Variants in MAGEA10 observed in about 807,000 individuals in gnomAD.
The protein encoded by MAGEA10 is MAGE family member A10, also known as melanoma-associated antigen 10.
A neutral mutation model predicts 8.6 loss-of-function variants in MAGEA10; 7 were observed. That is an observed-to-expected ratio of 0.82 (90% CI 0.46 to 1.53). The LOEUF is 1.53. Ranked by LOEUF, MAGEA10 falls within the 40% of genes most tolerant of loss-of-function variation. MAGEA10 has a pLI of 0.01. For synonymous variants in MAGEA10, 125 were observed against 107.4 expected (o/e 1.16, Z -1.02); for missense variants, 293 against 274.0 (o/e 1.07, Z -0.49).
In MAGEA10 at chrX:152,135,054, A is replaced by G. The variant is rs1370185410; in HGVS notation, c.567T>C (p.Ile189=). 2.5e-6 allele frequency: 3 copies of G among 1,211,354 alleles called. No homozygotes were observed. The highest frequency in any genetic ancestry group is 2.2e-6 in the Non-Finnish European group (2 of 895,206). ...CAGTGGGATCCACTTCCTTTACATC[A>G]ATGCCAAAGACCAGCAGCATGCACT... ...ASECMLLVFG[I]DVKEVDPTGH... The change falls in exon 4 of 4, where the codon ATT becomes ATC. Residue 189 remains isoleucine, a synonymous_variant. Coordinates refer to ENST00000370323, the MANE Select transcript of MAGEA10 (RefSeq NM_021048.5).
chrX:152,134,584 G>C lies in MAGEA10; in HGVS notation c.1037C>G (p.Ala346Gly). ...CATGGCAGTAGTATCATCTGTGGTG[G>C]CAATTCTGTCCTGGGCTCTCTCTTC... is the stretch of plus-strand genomic sequence containing the variant. ...DEEERAQDRI[A>G]TTDDTTAMAS... is the part of the protein sequence containing the mutation. The change falls in exon 4 of 4, where the codon GCC (alanine) becomes GGC (glycine). Residue 346 changes from alanine to glycine, a missense_variant. Physicochemically the swap from Ala to Gly is moderately conservative, Grantham distance 60 (BLOSUM62 0). Coordinates refer to ENST00000370323, the MANE Select transcript of MAGEA10 (RefSeq NM_021048.5). The C allele has an allele frequency of 8.3e-7, 1 of 1,206,965 alleles. No individual in the cohort carries two copies. Among genetic ancestry groups the C allele is most frequent in the Non-Finnish European group, 1.1e-6 (1 of 891,549 alleles).
At position 152,134,974 on chromosome X, in the gene MAGEA10, C is replaced by T. The variant is rs142008219; in HGVS notation, c.647G>A (p.Ser216Asn). ...AGTCTTGGGCATGCTCTGGACATCA[C>T]TCAGCATCCCATCATAGGTGAGGCC... ...SLGLTYDGML[S>N]DVQSMPKTGI... Residue 216 changes from serine to asparagine, a missense_variant, in exon 4 of 4, where the codon AGT becomes AAT. Ser to Asn is a conservative substitution (Grantham distance 46, BLOSUM62 1). Coordinates refer to ENST00000370323, the MANE Select transcript of MAGEA10 (RefSeq NM_021048.5). The T allele has an allele frequency of 6.4e-5, 78 of 1,209,580 alleles. No homozygotes were observed. In the African/African-American group the frequency reaches 1.3e-3, roughly 20 times the overall value.
At chrX:152,136,443 G>A (rs1936676322) in intron 2 of MAGEA10, among the ~76,000 whole-genome samples, 1 of 111,022 alleles carries the variant, frequency 9.0e-6, no homozygotes, top group Admixed American at 9.5e-5. Context: ...CTTGATGCCT[G>A]ATACGACCTG....
At chrX:152,137,755 T>C (rs942946411) in intron 1 of MAGEA10, among the ~76,000 whole-genome samples, 17 of 109,874 alleles carry the variant, frequency 1.5e-4, no homozygotes, top group Non-Finnish European at 1.9e-5. Context: ...CCTCAGACCA[T>C]AGCCCTCTCC....
At position 152,135,292 on chromosome X, in the gene MAGEA10, C is replaced by T; in HGVS notation, c.329G>A (p.Ser110Asn). 1 of 1,211,061 alleles carries T rather than the reference C, an allele frequency of 8.3e-7. No individual in the cohort carries two copies. Among genetic ancestry groups the T allele is most frequent in the Non-Finnish European group, 1.1e-6 (1 of 895,271 alleles). The stretch of plus-strand genomic sequence containing the variant: ...GCTTGGACTCTCCTCCTTTTGGCTG[C>T]TGGAGCCCTCATCAGATTGATCTAA... ...LPLDQSDEGS[S>N]SQKEESPSTL... The change falls in exon 4 of 4, where the codon AGC becomes AAC. Residue 110 changes from serine to asparagine, a missense_variant. Ser to Asn is a conservative substitution (Grantham distance 46). Coordinates refer to ENST00000370323, the MANE Select transcript of MAGEA10 (RefSeq NM_021048.5).
rs1458587240 is a variant in MAGEA10 at position 152,135,333 on chromosome X, G to A, written c.288C>T (p.Val96=). ...ATTGATCTAATGGAAGGGAAGCAAC[G>A]ACCGAGGGGGAGGAGCAGGCTATCT... ...SAQIACSSPS[V]VASLPLDQSD... The change falls in exon 4 of 4, where the codon GTC becomes GTT. Residue 96 remains valine (V), a synonymous_variant. Coordinates refer to ENST00000370323, the MANE Select transcript of MAGEA10 (RefSeq NM_021048.5). 2.5e-6 allele frequency: 3 copies of A among 1,208,355 alleles called. No individual in the cohort carries two copies. The highest frequency in any genetic ancestry group is 3.4e-6 in the Non-Finnish European group (3 of 894,685).
At position 152,135,510 on chromosome X, in the gene MAGEA10, ATCC is replaced by A; in HGVS notation, c.108_110del (p.Glu36del). On this transcript the variant is annotated inframe_deletion, in exon 4 of 4. Coordinates refer to ENST00000370323, the MANE Select transcript of MAGEA10 (RefSeq NM_021048.5). Reference sequence around the variant, plus strand: ...AGCTGGTGGAAGTGGATGATGAAGCATCCTCCTCCACAGCCAGGGGAGCCTGTG... The same window carrying A: ...AGCTGGTGGAAGTGGATGATGAAGCATCCTCCACAGCCAGGGGAGCCTGTG... 1 of 1,189,427 alleles carries A rather than the reference ATCC, an allele frequency of 8.4e-7. No individual in the cohort carries two copies. Among genetic ancestry groups the A allele is most frequent in the Non-Finnish European group, 1.1e-6 (1 of 884,512 alleles).
intron 1 of MAGEA10, among the ~76,000 whole-genome samples, chrX:152,137,441 GGCA>G (rs1936702464): frequency 1.4e-4 from 3 of 21,673 alleles, no homozygotes; most frequent in Non-Finnish European, 1.9e-4. Flanking sequence ...GGGGGTGGTG[GGCA>G]GGGGAGGGGG....
Position 152,133,907 on chromosome X carries a change from G to T in MAGEA10, c.*604C>A, listed in dbSNP as rs1364942506. On this transcript the variant is annotated 3_prime_UTR_variant, in exon 4 of 4. Transcript: ENST00000370323. The stretch of plus-strand genomic sequence containing the variant: ...AGACTGCACCACTGCACTCCTGCCA[G>T]AGCAATAGAGTGAGACTTTGTTAAA... The T allele has an allele frequency of 9.5e-6, 1 of 105,788 alleles. No homozygotes were observed. The highest frequency in any genetic ancestry group is 3.5e-5 in the African/African-American group (1 of 28,644). 8.7% of individuals were successfully genotyped at this position (105,788 alleles called of 1,213,427 possible).
Position 152,134,392 on chromosome X carries a change from T to C in MAGEA10, c.*119A>G, listed in dbSNP as rs1450567530. 2 of 577,345 alleles carry C rather than the reference T, an allele frequency of 3.5e-6. No homozygotes were observed. The highest frequency in any genetic ancestry group is 5.4e-6 in the Non-Finnish European group (2 of 367,351). 47.6% of individuals were successfully genotyped at this position (577,345 alleles called of 1,213,427 possible). A position where few individuals can be genotyped will look rare whatever the true frequency, so the allele number is the denominator to read the frequency against. ...TATTTAATTGTAATGTAACTACTGC[T>C]CTACTCTCTACTTCCATGATACCAA... is the stretch of plus-strand genomic sequence containing the variant. On this transcript the variant is annotated 3_prime_UTR_variant, in exon 4 of 4. Coordinates refer to ENST00000370323, the MANE Select transcript of MAGEA10 (RefSeq NM_021048.5).
intron 2 of MAGEA10, among the ~76,000 whole-genome samples, chrX:152,136,583 G>T (rs1936679090): frequency 9.0e-6 from 1 of 111,038 alleles, no homozygotes; most frequent in Admixed American, 9.5e-5. Flanking sequence ...CTGACAGAAG[G>T]GGTAGGGTGG....
chrX:152,134,619 C>G lies in MAGEA10; in HGVS notation c.1002G>C (p.Leu334Phe), dbSNP rs745481385. 4.1e-6 allele frequency: 5 copies of G among 1,208,065 alleles called. No homozygotes were observed. In the African/African-American group the frequency reaches 8.8e-5, roughly 21 times the overall value. ...RSFPLWYEEA[L>F]KDEEERAQDR... is the part of the protein sequence containing the mutation. Reference sequence around the variant, plus strand: ...CCTGGGCTCTCTCTTCCTCATCTTTCAAAGCCTCCTCATACCACAGTGGGA... The same window carrying G: ...CCTGGGCTCTCTCTTCCTCATCTTTGAAAGCCTCCTCATACCACAGTGGGA... Residue 334 changes from leucine to phenylalanine, a missense_variant, in exon 4 of 4, where the codon TTG (leucine) becomes TTC (phenylalanine). Leu to Phe is a conservative substitution (Grantham distance 22, BLOSUM62 0). Transcript: ENST00000370323.
Position 152,133,582 on chromosome X carries a change from G to A in MAGEA10, c.*929C>T, listed in dbSNP as rs1031980686. On this transcript the variant is annotated 3_prime_UTR_variant, in exon 4 of 4. Coordinates refer to ENST00000370323, the MANE Select transcript of MAGEA10 (RefSeq NM_021048.5). ...AAACTGGATAAACAGAAACGAACGTGTGACCTTAGATTCTGAAGCTCATAA... is the reference window on the plus strand; with the variant it reads ...AAACTGGATAAACAGAAACGAACGTATGACCTTAGATTCTGAAGCTCATAA... The A allele has an allele frequency of 8.1e-5, 9 of 111,619 alleles. No individual in the cohort carries two copies. Among genetic ancestry groups the A allele is most frequent in the African/African-American group, 2.3e-4 (7 of 30,745 alleles). 9.2% of individuals were successfully genotyped at this position (111,619 alleles called of 1,213,427 possible). A position where few individuals can be genotyped will look rare whatever the true frequency, so the allele number is the denominator to read the frequency against.
chrX:152,137,912 T>C (rs760032308), intron 1 of MAGEA10, among the ~76,000 whole-genome samples: 2 of 110,654 alleles, frequency 1.8e-5, no homozygotes, highest in African/African-American at 3.3e-5. Context: ...GGCTGGGTTG[T>C]TCTCCTCTAC....
rs1232119534 is a variant in MAGEA10 at position 152,134,420 on chromosome X, T to G, written c.*91A>C. ...ACTCTCTACTTCCATGATACCAACT[T>G]TTTTTTTTTTTTTTTTTAGATTCCA... On this transcript the variant is annotated 3_prime_UTR_variant, in exon 4 of 4. Transcript: ENST00000370323. 2 of 257,929 alleles carry G rather than the reference T, an allele frequency of 7.8e-6. No individual in the cohort carries two copies. Among genetic ancestry groups the G allele is most frequent in the East Asian group, 2.8e-4 (2 of 7,131 alleles). 21.3% of individuals were successfully genotyped at this position (257,929 alleles called of 1,213,427 possible).
Position 152,134,899 on chromosome X carries a change from G to T in MAGEA10, c.722C>A (p.Thr241Asn). ...LSIVFIEGYCTPEEVIWEALN... is the reference protein window; with the variant it reads ...LSIVFIEGYCNPEEVIWEALN... Reference sequence around the variant, plus strand: ...TGCTTCCCAGATGACCTCCTCAGGGGTGCAGTAGCCCTCTATGAAGACTAT... The same window carrying T: ...TGCTTCCCAGATGACCTCCTCAGGGTTGCAGTAGCCCTCTATGAAGACTAT... Residue 241 changes from threonine to asparagine, a missense_variant, in exon 4 of 4, where the codon ACC (threonine) becomes AAC (asparagine). Thr to Asn is a moderately conservative substitution (Grantham distance 65). Transcript: ENST00000370323. The T allele has an allele frequency of 2.5e-6, 3 of 1,210,822 alleles. No homozygotes were observed. The highest frequency in any genetic ancestry group is 3.4e-6 in the Non-Finnish European group (3 of 894,980).
In MAGEA10 at chrX:152,133,929, TA is replaced by T. The variant is rs761732676; in HGVS notation, c.*581del. The T allele has an allele frequency of 2.3e-3, 219 of 94,358 alleles. No homozygotes were observed. The highest frequency in any genetic ancestry group is 5.4e-3 in the Middle Eastern group (1 of 185). 7.8% of individuals were successfully genotyped at this position (94,358 alleles called of 1,213,427 possible). A position where few individuals can be genotyped will look rare whatever the true frequency, so the allele number is the denominator to read the frequency against. On this transcript the variant is annotated 3_prime_UTR_variant, in exon 4 of 4. Transcript: ENST00000370323. ...CCAGAGCAATAGAGTGAGACTTTGT[TA>T]AAAAAAAAAAAAGAAGAAGAAGAAA...
intron 2 of MAGEA10, among the ~76,000 whole-genome samples, chrX:152,136,569 G>A (rs986716153): frequency 2.7e-5 from 3 of 111,096 alleles, no homozygotes; most frequent in South Asian, 3.9e-4. Context: ...ATGAATTCCC[G>A]TGGCTGACAG....
Position 152,134,691 on chromosome X carries a change from A to G in MAGEA10, c.930T>C (p.Ser310=), listed in dbSNP as rs202105507. The G allele has an allele frequency of 2.7e-5, 32 of 1,207,229 alleles. No homozygotes were observed. Among genetic ancestry groups the G allele is most frequent in the Non-Finnish European group, 3.4e-5 (30 of 893,980 alleles). ...TTACCTTGGCCAAAAATTTCAGGAG[A>G]CTCATCTTCCTAATTTCAGCATGAG... ...PRAHAEIRKM[S]LLKFLAKVNG... The change falls in exon 4 of 4, where the codon AGT becomes AGC. Residue 310 remains serine, a synonymous_variant. Transcript: ENST00000370323.
Sources: allele counts gnomAD v4.1 joint callset (sites outside exome capture counted in the v4.1 genomes callset), GRCh38; gene constraint gnomAD v4.1.1; transcripts MANE v1.5; gene names NCBI Gene and HGNC (gene_info 2026-07-23, HGNC 2026-07-21).